The following ANO3 variants were observed in gnomAD, a reference collection of about 807,000 sequenced individuals.
ANO3 encodes the protein anoctamin-3.
In ANO3, 99 loss-of-function variants were observed where a neutral mutation model predicts 144.8. That is an observed-to-expected ratio of 0.68 (90% CI 0.58 to 0.81). ANO3 has a LOEUF of 0.81. ANO3 is among the 30% of genes least tolerant of loss of function. ANO3 has a pLI of 0.00. For synonymous variants in ANO3, 414 were observed against 392.6 expected, an observed-to-expected ratio of 1.05 and a Z score of -0.64; for missense variants, 905 against 1,202.2, an observed-to-expected ratio of 0.75 and a Z score of 3.66.
intron 1 of ANO3, among the ~76,000 whole-genome samples, chr11:26,202,210 AAT>A (rs929816798): frequency 2.0e-5 from 3 of 146,776 alleles, no homozygotes; most frequent in African/African-American, 7.4e-5. Context: ...TTATTTCCAA[AAT>A]GTCATTCCTT....
chr11:26,376,336 T>G (rs1856405581), intron 1 of ANO3, among the ~76,000 whole-genome samples: 1 of 151,758 alleles, frequency 6.6e-6, no homozygotes, highest in Non-Finnish European at 1.5e-5. Context: ...ATTAAACACT[T>G]AAAAAAAAGA....
intron 3 of ANO3, among the ~76,000 whole-genome samples, chr11:26,453,598 C>T (rs1351279342): frequency 6.6e-6 from 1 of 151,964 alleles, no homozygotes; most frequent in Non-Finnish European, 1.5e-5. Flanking sequence ...GAGTGACCTA[C>T]AAAGAGACTT....
At chr11:26,208,012 A>G (rs1851844630) in intron 1 of ANO3, 1 of 152,204 alleles carries the variant, frequency 6.6e-6, no homozygotes, top group Non-Finnish European at 1.5e-5. Context: ...TAAGAGATTC[A>G]GTGTCTAATA....
intron 1 of ANO3, among the ~76,000 whole-genome samples, chr11:26,262,560 G>T (rs1180792549): frequency 2.6e-5 from 4 of 151,984 alleles, no homozygotes; most frequent in African/African-American, 9.7e-5. Flanking sequence ...TAGGTCTTCT[G>T]TTTTCTACTT....
chr11:26,424,850 C>T (rs560389229), intron 1 of ANO3, among the ~76,000 whole-genome samples: 3 of 151,830 alleles, frequency 2.0e-5, no homozygotes, highest in Non-Finnish European at 4.4e-5. Context: ...TTCATTGAAT[C>T]TTGGGGGAAT....
At chr11:26,209,262 G>C (rs1041001543) in intron 1 of ANO3, among the ~76,000 whole-genome samples, 1 of 152,156 alleles carries the variant, frequency 6.6e-6, no homozygotes, top group Non-Finnish European at 1.5e-5. Flanking sequence ...TTCTGTTCCT[G>C]TGTTAGTTTG....
chr11:26,438,765 C>T lies in ANO3; in HGVS notation c.47-3153C>T, dbSNP rs1480038672. On this transcript the variant is annotated intron_variant, in intron 1 of 26. Transcript: ENST00000256737. ...TGCACTCCAAGCTGAGGAACAAGAG[C>T]AAAACTCTGTCTCAAAAAAAAAAAA... 3.8e-5 allele frequency among the ~76,000 whole-genome samples: 5 copies of T among 132,330 alleles called. No individual in the cohort carries two copies. In the Admixed American group the frequency reaches 3.9e-4, roughly 10 times the overall value. 86.8% of individuals were successfully genotyped at this position (132,330 alleles called of 152,430 possible).
intron 14 of ANO3, among the ~76,000 whole-genome samples, chr11:26,583,539 G>A (rs931877444): frequency 1.3e-5 from 2 of 152,108 alleles, no homozygotes; most frequent in Admixed American, 6.5e-5. Context: ...CAGGCTCTTC[G>A]TATCAATTAG....
At chr11:26,575,638 G>C (rs1232089813) in intron 14 of ANO3, among the ~76,000 whole-genome samples, 1 of 152,052 alleles carries the variant, frequency 6.6e-6, no homozygotes, top group Non-Finnish European at 1.5e-5. Context: ...ATAATGGAAA[G>C]AAATTTTGTA....
rs184500111 is a variant in ANO3, at chr11:26,309,729, G to C, written c.-3+10G>C. 2.6e-3 allele frequency: 2,541 copies of C among 984,626 alleles called. 2 individuals carry two copies. The highest frequency in any genetic ancestry group is 2.9e-3 in the Non-Finnish European group (2,444 of 829,286). 61.0% of individuals were successfully genotyped at this position (984,626 alleles called of 1,614,324 possible). A position where few individuals can be genotyped will look rare whatever the true frequency, so the allele number is the denominator to read the frequency against. On this transcript the variant is annotated intron_variant, in intron 1 of 26. Transcript: ENST00000525139. Reference sequence around the variant, plus strand: ...GGCAAATATAATGAAGGTGAGTCTTGGGGATGGTGTTTCAAGAGCTCCCAC... The same window carrying C: ...GGCAAATATAATGAAGGTGAGTCTTCGGGATGGTGTTTCAAGAGCTCCCAC...
At chr11:26,213,405 T>G (rs1851974753) in intron 1 of ANO3, among the ~76,000 whole-genome samples, 1 of 152,140 alleles carries the variant, frequency 6.6e-6, no homozygotes, top group Non-Finnish European at 1.5e-5. Flanking sequence ...CAAAATCTCC[T>G]TAAGCTGAAA....
At chr11:26,243,294 T>C (rs1394847612) in intron 1 of ANO3, among the ~76,000 whole-genome samples, 1 of 152,108 alleles carries the variant, frequency 6.6e-6, no homozygotes, top group Non-Finnish European at 1.5e-5. Context: ...CCTCTCTCTC[T>C]CACTCTCATT....
chr11:26,245,993 G>A (rs1016115644), intron 1 of ANO3, among the ~76,000 whole-genome samples: 1 of 152,174 alleles, frequency 6.6e-6, no homozygotes, highest in Non-Finnish European at 1.5e-5. Flanking sequence ...AGGAAGGAGA[G>A]GTATTTGTTT....
At chr11:26,198,678 T>A (rs1048913427) in intron 1 of ANO3, among the ~76,000 whole-genome samples, 2 of 152,176 alleles carry the variant, frequency 1.3e-5, no homozygotes, top group African/African-American at 4.8e-5. Context: ...CTTTCCAGTA[T>A]GAATATTCTA....
chr11:26,290,228 T>C (rs1190870504), intron 1 of ANO3, among the ~76,000 whole-genome samples: 1 of 152,186 alleles, frequency 6.6e-6, no homozygotes. Context: ...CTGATGGTAG[T>C]TTGTATTTCC....
chr11:26,455,761 G>A (rs7935249), intron 3 of ANO3, among the ~76,000 whole-genome samples: 92,494 of 148,598 alleles, frequency 0.62, 31,068 homozygotes, highest in Admixed American at 0.78. Flanking sequence ...AGCCCGCATC[G>A]CCAAGTCAAT....
chr11:26,547,154 T>C (rs1370826686), intron 11 of ANO3, among the ~76,000 whole-genome samples: 2 of 151,738 alleles, frequency 1.3e-5, no homozygotes, highest in East Asian at 3.9e-4. Flanking sequence ...AAAAGCCAGG[T>C]TTATGAGCAT....
intron 24 of ANO3, among the ~76,000 whole-genome samples, chr11:26,654,526 A>G (rs1432332078): frequency 3.9e-5 from 6 of 152,094 alleles, no homozygotes; most frequent in African/African-American, 1.2e-4. Context: ...TATATTTCCT[A>G]TGTATATAAC....
intron 1 of ANO3, among the ~76,000 whole-genome samples, chr11:26,247,530 T>C (rs1041391224): frequency 1.3e-5 from 2 of 152,184 alleles, no homozygotes; most frequent in African/African-American, 4.8e-5. Flanking sequence ...GTTTTGTTAG[T>C]CAGAGAAACC....
Sources: gnomAD v4.1 joint callset for allele counts (sites outside exome capture counted in the v4.1 genomes callset) on GRCh38, gnomAD v4.1.1 for gene constraint, MANE v1.5 for transcripts, NCBI Gene and HGNC (gene_info 2026-07-23, HGNC 2026-07-21) for gene names.